The following ROBO2 variants were observed in gnomAD, a reference collection of about 807,000 sequenced individuals.
ROBO2 encodes roundabout guidance receptor 2.
In ROBO2, 53 loss-of-function variants were observed where a neutral mutation model predicts 160.8. That is an observed-to-expected ratio of 0.33 (90% CI 0.26 to 0.41). The LOEUF (loss-of-function observed/expected upper bound fraction) is 0.41. Ranked by LOEUF, ROBO2 falls within the 10% of genes least tolerant of loss-of-function variation. The pLI is 1.00. For missense variants in ROBO2, 1,577 were observed against 1,722.4 expected, an observed-to-expected ratio of 0.92 and a Z score of 1.49; for synonymous variants, 664 against 611.7, an observed-to-expected ratio of 1.09 and a Z score of -1.26.
chr3:77,042,236 G>A (rs1162727103), intron 1 of ROBO2, among the ~76,000 whole-genome samples: 2 of 152,124 alleles, frequency 1.3e-5, no homozygotes, highest in African/African-American at 4.8e-5. Context: ...TAATTATTGT[G>A]AATTATACTA....
At chr3:77,176,441 T>G (rs2080165417) in intron 2 of ROBO2, among the ~76,000 whole-genome samples, 1 of 152,046 alleles carries the variant, frequency 6.6e-6, no homozygotes, top group African/African-American at 2.4e-5. Context: ...AAAGAAAATT[T>G]TAGGGTTTCT....
intron 5 of ROBO2, among the ~76,000 whole-genome samples, chr3:77,496,902 T>C (rs1370355528): frequency 6.6e-6 from 1 of 152,110 alleles, no homozygotes; most frequent in Non-Finnish European, 1.5e-5. Flanking sequence ...TATGCCTCTT[T>C]CTTTTATTTA....
At chr3:77,096,934 T>C (rs1430885397) in intron 1 of ROBO2, among the ~76,000 whole-genome samples, 1 of 152,228 alleles carries the variant, frequency 6.6e-6, no homozygotes, top group Non-Finnish European at 1.5e-5. Context: ...AGTCAGGTTC[T>C]TTTTATTTTT....
chr3:76,061,133 CAT>C (rs1352178820), intron 2 of ROBO2, among the ~76,000 whole-genome samples: 1 of 152,176 alleles, frequency 6.6e-6, no homozygotes, highest in Non-Finnish European at 1.5e-5. Context: ...GGTGACTTCA[CAT>C]GTGCAAATTC....
chr3:77,030,289 C>G (rs1459201545), intron 2 of ROBO2, among the ~76,000 whole-genome samples: 1 of 152,118 alleles, frequency 6.6e-6, no homozygotes, highest in Non-Finnish European at 1.5e-5. Context: ...TTTAAGTAAA[C>G]TTTATACATT....
chr3:76,499,545 G>T (rs2080347016), intron 2 of ROBO2, among the ~76,000 whole-genome samples: 1 of 152,056 alleles, frequency 6.6e-6, no homozygotes, highest in African/African-American at 2.4e-5. Context: ...AAACATTATG[G>T]AAAAGAAATC....
intron 2 of ROBO2, among the ~76,000 whole-genome samples, chr3:76,850,422 G>A (rs1391464151): frequency 6.6e-6 from 1 of 152,100 alleles, no homozygotes; most frequent in Non-Finnish European, 1.5e-5. Context: ...GGCCTCTGCT[G>A]ACTTTCTTCT....
intron 2 of ROBO2, among the ~76,000 whole-genome samples, chr3:77,408,318 GAAAGT>G (rs1456241050): frequency 6.6e-6 from 1 of 151,800 alleles, no homozygotes; most frequent in African/African-American, 2.4e-5. Context: ...CTTTTTCAAT[GAAAGT>G]AAAGAATAAA....
At chr3:76,238,306 T>A (rs529759375) in intron 2 of ROBO2, among the ~76,000 whole-genome samples, 51 of 152,178 alleles carry the variant, frequency 3.4e-4, no homozygotes, top group African/African-American at 1.2e-3. Context: ...CATAGGGGAA[T>A]GTGAAGGGGA....
At chr3:76,032,309 G>A (rs183840327) in intron 2 of ROBO2, among the ~76,000 whole-genome samples, 16 of 151,932 alleles carry the variant, frequency 1.1e-4, no homozygotes, top group Admixed American at 4.6e-4. Flanking sequence ...AAAAACCAGC[G>A]CTTGGATTCA....
chr3:77,095,681 C>G (rs1324441903), intron 1 of ROBO2, among the ~76,000 whole-genome samples: 1 of 152,174 alleles, frequency 6.6e-6, no homozygotes, highest in Non-Finnish European at 1.5e-5. Context: ...GAGTCTACAG[C>G]TATGTGTCCA....
At chr3:76,315,116 A>C (rs1245368245) in intron 2 of ROBO2, among the ~76,000 whole-genome samples, 1 of 152,178 alleles carries the variant, frequency 6.6e-6, no homozygotes, top group Non-Finnish European at 1.5e-5. Context: ...CACTGATCAA[A>C]CTAAGAGGGG....
chr3:77,230,800 A>C (rs907688570), intron 2 of ROBO2, among the ~76,000 whole-genome samples: 1 of 152,200 alleles, frequency 6.6e-6, no homozygotes, highest in African/African-American at 2.4e-5. Context: ...AATTATGCAA[A>C]CAAGATCCGG....
At chr3:76,673,471 G>A (rs2092323808) in intron 2 of ROBO2, among the ~76,000 whole-genome samples, 1 of 152,168 alleles carries the variant, frequency 6.6e-6, no homozygotes, top group South Asian at 2.1e-4. Context: ...TACTGGCAAG[G>A]AAAGGCAGGT....
At chr3:77,559,867 G>T (rs1047169274) in intron 9 of ROBO2, among the ~76,000 whole-genome samples, 5 of 151,938 alleles carry the variant, frequency 3.3e-5, no homozygotes, top group Admixed American at 2.6e-4. Flanking sequence ...AAAAAATGCT[G>T]CCAAGTTGAG....
intron 2 of ROBO2, among the ~76,000 whole-genome samples, chr3:76,983,680 C>G (rs1336174283): frequency 6.6e-6 from 1 of 152,096 alleles, no homozygotes; most frequent in African/African-American, 2.4e-5. Context: ...TACAAAGTAC[C>G]TATTATATGA....
intron 2 of ROBO2, among the ~76,000 whole-genome samples, chr3:77,008,667 C>T (rs1228355973): frequency 1.3e-5 from 2 of 152,054 alleles, no homozygotes; most frequent in African/African-American, 2.4e-5. Flanking sequence ...CACAGGGTAG[C>T]TGAAAACGCA....
intron 2 of ROBO2, among the ~76,000 whole-genome samples, chr3:76,497,665 C>A (rs193288522): frequency 5.3e-5 from 8 of 152,290 alleles, no homozygotes; most frequent in Non-Finnish European, 1.2e-4. Context: ...AGGCAAGTCA[C>A]GTTGAAATCA....
chr3:77,504,769 G>T (rs990722634), intron 5 of ROBO2, among the ~76,000 whole-genome samples: 1 of 152,162 alleles, frequency 6.6e-6, no homozygotes, highest in Non-Finnish European at 1.5e-5. Context: ...TGTTCTCAAG[G>T]ATTTTAGTAG....
Sources: gnomAD v4.1 joint callset for allele counts (sites outside exome capture counted in the v4.1 genomes callset) on GRCh38, gnomAD v4.1.1 for gene constraint, MANE v1.5 for transcripts, NCBI Gene and HGNC (gene_info 2026-07-23, HGNC 2026-07-21) for gene names.